ST3GAL3: variants seen among roughly 807,000 people sequenced by gnomAD.
The protein encoded by ST3GAL3 is ST3 beta-galactoside alpha-2,3-sialyltransferase 3, also known as CMP-N-acetylneuraminate-beta-1,4-galactoside alpha-2,3-sialyltransferase.
ST3GAL3 carries 21 observed loss-of-function variants against 50.1 expected under a neutral mutation model. That is an observed-to-expected ratio of 0.42 (90% CI 0.30 to 0.60). ST3GAL3 has a LOEUF of 0.60. ST3GAL3 is among the 20% of genes least tolerant of loss of function. The pLI is 0.19. For synonymous variants in ST3GAL3, 183 were observed against 190.0 expected, an observed-to-expected ratio of 0.96 and a Z score of 0.30; for missense variants, 353 against 489.4, an observed-to-expected ratio of 0.72 and a Z score of 2.63.
Position 43,736,416 on chromosome 1 carries a change from C to G in ST3GAL3, c.118+36C>G, listed in dbSNP as rs149404491. Reference sequence around the variant, plus strand: ...TCACTCTAGCTCACCCCAGGAGAAGCCTGTTGCAGGTCAGTTACTGGTTTT... The same window carrying G: ...TCACTCTAGCTCACCCCAGGAGAAGGCTGTTGCAGGTCAGTTACTGGTTTT... On this transcript the variant is annotated intron_variant, in intron 2 of 11. Coordinates refer to ENST00000347631, the MANE Select transcript of ST3GAL3 (RefSeq NM_006279.5). 81 of 1,614,128 alleles carry G rather than the reference C, an allele frequency of 5.0e-5. 1 individual carries two copies. In the African/African-American group the frequency reaches 9.5e-4, roughly 19 times the overall value.
chr1:43,770,733 C>G (rs1400872737), intron 2 of ST3GAL3, among the ~76,000 whole-genome samples: 1 of 152,120 alleles, frequency 6.6e-6, no homozygotes, highest in East Asian at 1.9e-4. Flanking sequence ...AACAAAGCAT[C>G]TAATAAAATC....
At chr1:43,920,255 C>T in intron 9 of ST3GAL3, 149 bp from the exon 10 acceptor site, 2 of 880,226 alleles carry the variant, frequency 2.3e-6, no homozygotes, top group East Asian at 2.5e-5. Context: ...TCCCCAAACA[C>T]AGATGGGCTT....
chr1:43,761,714 G>C (rs1338228212), intron 2 of ST3GAL3, among the ~76,000 whole-genome samples: 2 of 151,900 alleles, frequency 1.3e-5, no homozygotes, highest in Non-Finnish European at 2.9e-5. Flanking sequence ...ACTTTGGGAG[G>C]CCAAGGTGGG....
At chr1:43,875,679 C>T (rs1318619381) in intron 5 of ST3GAL3, among the ~76,000 whole-genome samples, 1 of 152,018 alleles carries the variant, frequency 6.6e-6, no homozygotes, top group Non-Finnish European at 1.5e-5. Flanking sequence ...CCTGTTTCAC[C>T]TTCCGCCATG....
At chr1:43,868,893 C>T (rs1289650322) in intron 5 of ST3GAL3, among the ~76,000 whole-genome samples, 2 of 152,104 alleles carry the variant, frequency 1.3e-5, no homozygotes, top group African/African-American at 4.8e-5. Context: ...CAGAGCTTTT[C>T]CTTTTAAAGA....
intron 3 of ST3GAL3, among the ~76,000 whole-genome samples, chr1:43,807,303 C>G (rs2060005388): frequency 6.6e-6 from 1 of 152,096 alleles, no homozygotes; most frequent in Admixed American, 6.5e-5. Flanking sequence ...GTAATCCCAG[C>G]TACTCGGGAG....
chr1:43,761,309 ATTT>A (rs111636074), intron 2 of ST3GAL3, among the ~76,000 whole-genome samples: 1 of 147,432 alleles, frequency 6.8e-6, no homozygotes, highest in Non-Finnish European at 1.5e-5. Context: ...CTGTAAAAAG[ATTT>A]TTTTTTTTTT....
chr1:43,804,639 T>C (rs3791058), intron 3 of ST3GAL3, among the ~76,000 whole-genome samples: 59,522 of 151,806 alleles, frequency 0.39, 12,015 homozygotes, highest in East Asian at 0.59. Flanking sequence ...AAAGCAAAAC[T>C]CAGAAAATAG....
chr1:43,786,589 G>A (rs2057368455), intron 2 of ST3GAL3, among the ~76,000 whole-genome samples: 2 of 152,128 alleles, frequency 1.3e-5, no homozygotes, highest in Admixed American at 6.5e-5. Flanking sequence ...CTTGGTCTCC[G>A]TTACATGCTT....
intron 5 of ST3GAL3, among the ~76,000 whole-genome samples, chr1:43,881,644 C>G (rs558682649): frequency 1.6e-4 from 24 of 152,350 alleles, no homozygotes; most frequent in Non-Finnish European, 2.8e-4. Context: ...GGGCCTCTGG[C>G]TCAGCCTCTC....
intron 2 of ST3GAL3, among the ~76,000 whole-genome samples, chr1:43,768,703 T>A (rs1052947517): frequency 6.6e-6 from 1 of 152,292 alleles, no homozygotes; most frequent in Non-Finnish European, 1.5e-5. Flanking sequence ...ACTCAAGACA[T>A]CATGGAAAAC....
At chr1:43,846,143 G>A (rs1211762224) in intron 5 of ST3GAL3, among the ~76,000 whole-genome samples, 2 of 152,170 alleles carry the variant, frequency 1.3e-5, no homozygotes, top group African/African-American at 4.8e-5. Flanking sequence ...ATTAGCTTAG[G>A]TTGGTTTATG....
chr1:43,904,636 C>T (rs557181802), intron 9 of ST3GAL3, among the ~76,000 whole-genome samples: 1 of 151,710 alleles, frequency 6.6e-6, no homozygotes, highest in Non-Finnish European at 1.5e-5. Flanking sequence ...AGCTCTTGGT[C>T]ACTGCCTCAT....
intron 2 of ST3GAL3, among the ~76,000 whole-genome samples, chr1:43,748,525 C>T (rs1990195): frequency 0.32 from 47,553 of 149,642 alleles, 9,223 homozygotes; most frequent in East Asian, 0.53. Flanking sequence ...ACCTCCCCAG[C>T]TTAAGCAATC....
intron 5 of ST3GAL3, among the ~76,000 whole-genome samples, chr1:43,870,920 T>C (rs374911144): frequency 6.6e-6 from 1 of 152,176 alleles, no homozygotes; most frequent in African/African-American, 2.4e-5. Context: ...GCCACCTGTC[T>C]GCTTGTGTAG....
At chr1:43,911,735 T>G (rs2080968102) in intron 9 of ST3GAL3, 1 of 151,530 alleles carries the variant, frequency 6.6e-6, no homozygotes, top group African/African-American at 2.4e-5. Flanking sequence ...TCACCCAGGC[T>G]GGAGTGCAGT....
intron 2 of ST3GAL3, among the ~76,000 whole-genome samples, chr1:43,747,527 G>A (rs533047968): frequency 2.0e-5 from 3 of 151,446 alleles, no homozygotes; most frequent in South Asian, 2.1e-4. Context: ...CGTGTTCAAC[G>A]GTCTGGGAAC....
intron 5 of ST3GAL3, chr1:43,838,564 TGCC>T (rs1435829843): frequency 2.2e-6 from 1 of 447,434 alleles, no homozygotes; most frequent in East Asian, 4.8e-5. Context: ...CCTACATGGT[TGCC>T]GCATGCAAGC....
intron 1 of ST3GAL3, among the ~76,000 whole-genome samples, chr1:43,721,226 C>A: frequency 7.2e-6 from 1 of 138,114 alleles, no homozygotes. Context: ...GCCTGTGCAA[C>A]AGAGCAAGAC....
Sources: gnomAD v4.1 joint callset for allele counts (sites outside exome capture counted in the v4.1 genomes callset) on GRCh38, gnomAD v4.1.1 for gene constraint, MANE v1.5 for transcripts, NCBI Gene and HGNC (gene_info 2026-07-23, HGNC 2026-07-21) for gene names.